The following PDGFRB variants were observed in gnomAD, a reference collection of about 807,000 sequenced individuals.
PDGFRB encodes platelet-derived growth factor receptor beta.
PDGFRB carries 42 observed loss-of-function variants against 120.2 expected under a neutral mutation model. That is an observed-to-expected ratio of 0.35 (90% CI 0.27 to 0.45). The LOEUF (loss-of-function observed/expected upper bound fraction) is 0.45. Ranked by LOEUF, PDGFRB falls within the 20% of genes least tolerant of loss-of-function variation. PDGFRB has a pLI of 1.00. For synonymous variants in PDGFRB, 586 were observed against 606.8 expected, an observed-to-expected ratio of 0.97 and a Z score of 0.50; for missense variants, 1,149 against 1,476.3, an observed-to-expected ratio of 0.78 and a Z score of 3.63.
intron 11 of PDGFRB, 112 bp from the exon 12 acceptor site, chr5:150,125,689 G>A (rs902267687): frequency 1.0e-5 from 10 of 952,938 alleles, no homozygotes; most frequent in Non-Finnish European, 1.6e-5. Flanking sequence ...CCCAGAGAGG[G>A]GCAGGGGCAT....
intron 12 of PDGFRB, among the ~76,000 whole-genome samples, chr5:150,125,203 C>T (rs1760260240): frequency 6.6e-6 from 1 of 152,166 alleles, no homozygotes; most frequent in Non-Finnish European, 1.5e-5. Flanking sequence ...TCAATCCTTC[C>T]ACTTTTGCCA....
chr5:150,126,740 A>G, intron 10 of PDGFRB, 126 bp from the exon 11 acceptor site: 1 of 682,716 alleles, frequency 1.5e-6, no homozygotes. Flanking sequence ...CCTCCCCATC[A>G]GCCTGCAGTG....
chr5:150,119,622 G>T (rs1375948250), intron 19 of PDGFRB, 56 bp from the exon 20 acceptor site: 2 of 1,046,782 alleles, frequency 1.9e-6, no homozygotes, highest in Non-Finnish European at 3.0e-6. Context: ...AAGTGGCAGG[G>T]CACCCTCTTC....
chr5:150,146,687 T>C (rs116338165), intron 1 of PDGFRB, among the ~76,000 whole-genome samples: 1 of 152,104 alleles, frequency 6.6e-6, no homozygotes, highest in Non-Finnish European at 1.5e-5. Context: ...GCCTCCTGAG[T>C]AGCTGGGACT....
At chr5:150,154,976 C>A in intron 1 of PDGFRB, among the ~76,000 whole-genome samples, 1 of 152,360 alleles carries the variant, frequency 6.6e-6, no homozygotes, top group Non-Finnish European at 1.5e-5. Flanking sequence ...AGAAACAAGG[C>A]TTGGGCCAAG....
chr5:150,124,252 C>T lies in PDGFRB; in HGVS notation c.2021G>A (p.Gly674Glu), dbSNP rs1389426768. 1.2e-6 allele frequency: 2 copies of T among 1,610,636 alleles called. No individual in the cohort carries two copies. The highest frequency in any genetic ancestry group is 1.7e-6 in the Non-Finnish European group (2 of 1,176,896). The change falls in exon 14 of 23, where the codon GGA becomes GAA. Residue 674 changes from glycine to glutamate, a missense_variant and splice_region_variant. By Grantham distance (98) the Gly-to-Glu change is moderately conservative (BLOSUM62 -2). This residue lies in a region of PDGFRB where 879 missense variants were observed against 1,108.6 expected (regional missense o/e 0.79). Transcript: ENST00000261799. ...CTCTGGGGCAGTGGGCTCGGTACCT[C>T]CTTTGGTGCAGGCCCCCAACAGGTT... is the stretch of plus-strand genomic sequence containing the variant. ...VVNLLGACTK[G>E]GPIYIITEYC...
At chr5:150,150,647 C>A (rs1761052690) in intron 1 of PDGFRB, among the ~76,000 whole-genome samples, 1 of 152,000 alleles carries the variant, frequency 6.6e-6, no homozygotes, top group South Asian at 2.1e-4. Context: ...GGGGCTAAGG[C>A]TTGGAGGTTC....
chr5:150,150,296 T>A (rs1233514333), intron 1 of PDGFRB, among the ~76,000 whole-genome samples: 1 of 152,150 alleles, frequency 6.6e-6, no homozygotes, highest in Non-Finnish European at 1.5e-5. Context: ...GTGCAACCCT[T>A]CCCCTCTCTG....
chr5:150,117,373 C>A (rs764148966), intron 22 of PDGFRB, among the ~76,000 whole-genome samples: 1 of 152,174 alleles, frequency 6.6e-6, no homozygotes, highest in Non-Finnish European at 1.5e-5. Flanking sequence ...GAAATAGCTA[C>A]CTTGCAAGTA....
At chr5:150,149,778 C>G (rs1020546111) in intron 1 of PDGFRB, among the ~76,000 whole-genome samples, 17 of 152,120 alleles carry the variant, frequency 1.1e-4, no homozygotes, top group Non-Finnish European at 2.4e-4. Flanking sequence ...AACTGGAAAC[C>G]CTGCCCCACC....
At chr5:150,141,053 G>T (rs1230353694) in intron 1 of PDGFRB, among the ~76,000 whole-genome samples, 2 of 152,182 alleles carry the variant, frequency 1.3e-5, no homozygotes, top group Non-Finnish European at 2.9e-5. Context: ...CATACACACA[G>T]CACAGATGCA....
In PDGFRB at chr5:150,123,051, G is replaced by A; in HGVS notation, c.2174C>T (p.Pro725Leu). ...GCCTCCCTCCTGGTACCTGGGCAGGGGGAGCCCAACGGGCAGAGCATTGCT... is the reference window on the plus strand; with the variant it reads ...GCCTCCCTCCTGGTACCTGGGCAGGAGGAGCCCAACGGGCAGAGCATTGCT... ...LYSNALPVGL[P>L]LPSHVSLTGE... is the part of the protein sequence containing the mutation. Residue 725 changes from proline to leucine, a missense_variant, in exon 15 of 23, where the codon CCC becomes CTC. Coordinates refer to ENST00000261799, the MANE Select transcript of PDGFRB (RefSeq NM_002609.4). 6.2e-7 allele frequency: 1 copy of A among 1,612,936 alleles called. No homozygotes were observed.
At chr5:150,127,853 A>AAAAC (rs1760342131) in intron 10 of PDGFRB, among the ~76,000 whole-genome samples, 2 of 151,030 alleles carry the variant, frequency 1.3e-5, no homozygotes, top group Admixed American at 6.6e-5. Context: ...AAAAAAAAAA[A>AAAAC]AAAAAACTTT....
rs201570042 is a variant in PDGFRB, at chr5:150,137,030, C to G, written c.18G>C (p.Ala6=). MRLPG[A]MPALALKGEL... is the part of the protein sequence containing the mutation. ...CACCTTTGAGGGCCAGAGCTGGCAT[C>G]GCACCCGGAAGCCGCATGGTGTCCT... is the stretch of plus-strand genomic sequence containing the variant. Residue 6 remains alanine, a synonymous_variant, in exon 2 of 23, where the codon GCG becomes GCC. Transcript: ENST00000261799. The G allele has an allele frequency of 3.1e-6, 5 of 1,613,684 alleles. No homozygotes were observed. In the South Asian group the frequency reaches 5.5e-5, roughly 18 times the overall value.
chr5:150,154,796 G>A (rs534289889), intron 1 of PDGFRB, among the ~76,000 whole-genome samples: 3 of 152,316 alleles, frequency 2.0e-5, no homozygotes, highest in East Asian at 3.9e-4. Context: ...CAGCATGACC[G>A]CTAGGGGGTT....
Position 150,124,849 on chromosome 5 carries a change from C to T in PDGFRB, c.1808-18G>A, listed in dbSNP as rs1435318384. The T allele has an allele frequency of 7.2e-7, 1 of 1,382,912 alleles. No individual in the cohort carries two copies. Among genetic ancestry groups the T allele is most frequent in the Non-Finnish European group, 1.0e-6 (1 of 987,084 alleles). The allele number at this position is 1,382,912 out of a possible 1,614,324, so 85.7% of individuals were successfully genotyped here. On this transcript the variant is annotated intron_variant, in intron 12 of 22. Coordinates refer to ENST00000261799, the MANE Select transcript of PDGFRB (RefSeq NM_002609.4). ...GGTGCGTCCTGGTGCAGAGATGATC[C>T]ATTAGCTCCTGGCCTACCAGGAAGC...
chr5:150,132,997 C>A lies in PDGFRB; in HGVS notation c.935-55G>T, dbSNP rs2113907445. 1 of 1,305,698 alleles carries A rather than the reference C, an allele frequency of 7.7e-7. No homozygotes were observed. The highest frequency in any genetic ancestry group is 1.4e-5 in the South Asian group (1 of 73,472). 80.9% of individuals were successfully genotyped at this position (1,305,698 alleles called of 1,614,324 possible). A position where few individuals can be genotyped will look rare whatever the true frequency, so the allele number is the denominator to read the frequency against. ...CCTGGGGGCAGGGCACCAACTGAAT[C>A]CCAAAGGAGGCCAGCCTGTGGGGTG... On this transcript the variant is annotated intron_variant, in intron 6 of 22. Coordinates refer to ENST00000261799, the MANE Select transcript of PDGFRB (RefSeq NM_002609.4). The surrounding 1 kb of genome is among the most constrained non-coding windows in gnomAD (Gnocchi z 5.0).
At position 150,132,835 on chromosome 5, in the gene PDGFRB, C is replaced by A. The variant is rs1371019308; in HGVS notation, c.1042G>T (p.Val348Phe). The A allele has an allele frequency of 6.2e-7, 1 of 1,611,400 alleles. No individual in the cohort carries two copies. Residue 348 changes from valine to phenylalanine, a missense_variant, in exon 7 of 23, where the codon GTC (valine) becomes TTC (phenylalanine). Val to Phe is a conservative substitution (Grantham distance 50). Transcript: ENST00000261799. The surrounding 1 kb of genome is among the most constrained non-coding windows in gnomAD (Gnocchi z 5.0). The stretch of plus-strand genomic sequence containing the variant: ...GTGCGGTTGTCTTTGAACCACAGGA[C>A]AGTGGGCGGTGGGTAGGCCTCGAAC... ...VVFEAYPPPT[V>F]LWFKDNRTLG...
At chr5:150,117,528 GCGCGCGCGCGCGCGCGCACA>G in intron 22 of PDGFRB, 70 bp downstream of exon 22, 1 of 429,766 alleles carries the variant, frequency 2.3e-6, no homozygotes, top group Non-Finnish European at 4.2e-6. Flanking sequence ...AAACCTGGCA[GCGCGCGCGCGCGCGCGCACA>G]CACACACACA....
Sources: allele counts gnomAD v4.1 joint callset (sites outside exome capture counted in the v4.1 genomes callset), GRCh38; gene constraint gnomAD v4.1.1; regional missense constraint gnomAD v4.1.1; non-coding constraint Gnocchi (gnomAD v3.1); transcripts MANE v1.5; gene names NCBI Gene and HGNC (gene_info 2026-07-23, HGNC 2026-07-21).